The following MYO18B variants were observed in gnomAD, a reference collection of about 807,000 sequenced individuals.
MYO18B encodes the protein unconventional myosin-XVIIIb.
MYO18B carries 204 observed loss-of-function variants against 273.0 expected under a neutral mutation model. That is an observed-to-expected ratio of 0.75 (90% CI 0.67 to 0.84). The LOEUF is 0.84. Among genes scored for constraint, MYO18B ranks in the 40% least tolerant of loss-of-function variants. MYO18B has a pLI of 0.00. For missense variants in MYO18B, 3,212 were observed against 3,287.6 expected (o/e 0.98, Z 0.56); for synonymous variants, 1,330 against 1,305.7 (o/e 1.02, Z -0.40).
At chr22:26,008,839 G>C (rs1934654116) in intron 42 of MYO18B, among the ~76,000 whole-genome samples, 1 of 152,196 alleles carries the variant, frequency 6.6e-6, no homozygotes, top group South Asian at 2.1e-4. Context: ...CTGTGGATGA[G>C]AGTGCGAGGG....
At chr22:25,773,177 C>G (rs117463958) in intron 7 of MYO18B, among the ~76,000 whole-genome samples, 1 of 152,200 alleles carries the variant, frequency 6.6e-6, no homozygotes, top group Admixed American at 6.5e-5. Flanking sequence ...GCGTGGGCCC[C>G]TTCATTCCTT....
At chr22:25,861,017 T>C (rs2090717911) in intron 21 of MYO18B, among the ~76,000 whole-genome samples, 2 of 152,132 alleles carry the variant, frequency 1.3e-5, no homozygotes, top group Non-Finnish European at 2.9e-5. Flanking sequence ...GCCCCCTGCG[T>C]TGCTCAGACT....
chr22:25,797,651 T>G (rs914377425), intron 11 of MYO18B, among the ~76,000 whole-genome samples: 1 of 152,206 alleles, frequency 6.6e-6, no homozygotes, highest in Non-Finnish European at 1.5e-5. Flanking sequence ...TGGGCTTTGC[T>G]CATCTTTGCA....
intron 39 of MYO18B, among the ~76,000 whole-genome samples, chr22:25,972,041 C>T (rs1461949033): frequency 6.6e-6 from 1 of 151,814 alleles, no homozygotes; most frequent in African/African-American, 2.4e-5. Context: ...CTGCCTCTAT[C>T]TCCCAAAGTG....
Position 25,946,270 on chromosome 22 carries a change from G to T in MYO18B, c.5631+20G>T, listed in dbSNP as rs757878769. The stretch of plus-strand genomic sequence containing the variant: ...AGCCTGGTACCTGTCCCTTCCTGCA[G>T]CTGCAGGGACCTGGGCCAGCATAGG... On this transcript the variant is annotated intron_variant, in intron 35 of 43. Transcript: ENST00000335473. 2 of 1,534,380 alleles carry T rather than the reference G, an allele frequency of 1.3e-6. No homozygotes were observed. The highest frequency in any genetic ancestry group is 8.8e-7 in the Non-Finnish European group (1 of 1,132,480).
chr22:25,834,961 C>T (rs995710950), intron 16 of MYO18B, among the ~76,000 whole-genome samples: 4 of 152,156 alleles, frequency 2.6e-5, no homozygotes, highest in Non-Finnish European at 5.9e-5. Context: ...CCAGAGGGTT[C>T]CCCTTGTTAA....
At chr22:25,798,259 AG>A (rs907521872) in intron 12 of MYO18B, among the ~76,000 whole-genome samples, 162 bp downstream of exon 12, 1 of 152,104 alleles carries the variant, frequency 6.6e-6, no homozygotes, top group African/African-American at 2.4e-5. Context: ...CGTCGTGAGG[AG>A]GACACAGGGC....
At chr22:25,977,662 G>A (rs1015216661) in intron 39 of MYO18B, among the ~76,000 whole-genome samples, 1 of 152,164 alleles carries the variant, frequency 6.6e-6, no homozygotes, top group Non-Finnish European at 1.5e-5. Context: ...TGGGGTGAGG[G>A]TGAGAAAGCA....
Position 25,772,927 on chromosome 22 carries a change from C to T in MYO18B, c.1869+417C>T, listed in dbSNP as rs73879535. 2.7e-3 allele frequency among the ~76,000 whole-genome samples: 411 copies of T among 152,278 alleles called. 1 individual carries two copies. Among genetic ancestry groups the T allele is most frequent in the African/African-American group, 9.1e-3 (378 of 41,550 alleles). ...GCGCAGGCTAAACTCTCAGGTCTAG[C>T]GAGCAGAGTTGCTGGGAGAAAACCC... On this transcript the variant is annotated intron_variant, in intron 7 of 43. Transcript: ENST00000335473.
chr22:25,759,137 C>A (rs2086220566), intron 1 of MYO18B, among the ~76,000 whole-genome samples: 1 of 152,072 alleles, frequency 6.6e-6, no homozygotes. Context: ...TGAAACTTAG[C>A]TGAATGTTAT....
chr22:25,838,120 C>A (rs1455699279), intron 17 of MYO18B, among the ~76,000 whole-genome samples: 2 of 151,316 alleles, frequency 1.3e-5, no homozygotes, highest in Admixed American at 1.3e-4. Context: ...AAGGGCAATT[C>A]TTTAATATAT....
intron 12 of MYO18B, among the ~76,000 whole-genome samples, chr22:25,802,821 G>A (rs2088276522): frequency 6.7e-6 from 1 of 149,366 alleles, no homozygotes; most frequent in Non-Finnish European, 1.5e-5. Flanking sequence ...CCATCCCTAA[G>A]CAATGCTTTC....
At chr22:26,039,182 T>A in the MYO18B span, among the ~76,000 whole-genome samples, 1 of 152,106 alleles carries the variant, frequency 6.6e-6, no homozygotes, top group Non-Finnish European at 1.5e-5. Context: ...TGAGGATGGG[T>A]CTTTCTCTCC....
intron 18 of MYO18B, 123 bp downstream of exon 18, chr22:25,844,017 C>A (rs2090162788): frequency 3.6e-6 from 3 of 834,658 alleles, no homozygotes. Flanking sequence ...TCCCATCCCT[C>A]CATAATGGAG....
intron 34 of MYO18B, among the ~76,000 whole-genome samples, chr22:25,942,471 T>C (rs2092655939): frequency 6.6e-6 from 1 of 152,238 alleles, no homozygotes; most frequent in Non-Finnish European, 1.5e-5. Flanking sequence ...CTCTTTATTT[T>C]GATCCATTCC....
chr22:25,907,168 C>T (rs1021139638), intron 31 of MYO18B, among the ~76,000 whole-genome samples: 8 of 152,244 alleles, frequency 5.3e-5, no homozygotes, highest in African/African-American at 1.9e-4. Flanking sequence ...GTAATTCTAA[C>T]GTGCCACAAA....
chr22:25,939,306 CT>C (rs2092616630), intron 34 of MYO18B, among the ~76,000 whole-genome samples: 1 of 152,192 alleles, frequency 6.6e-6, no homozygotes, highest in Admixed American at 6.5e-5. Context: ...TTGGCTAGAT[CT>C]AGGTACCCCA....
intron 8 of MYO18B, 118 bp downstream of exon 8, chr22:25,777,899 G>A: frequency 1.0e-6 from 1 of 996,598 alleles, no homozygotes; most frequent in South Asian, 2.0e-5. Context: ...CCAGATATGT[G>A]CAGACCCCAT....
intron 34 of MYO18B, among the ~76,000 whole-genome samples, chr22:25,927,720 T>TG (rs572317900): frequency 0.042 from 6,459 of 152,274 alleles, 191 homozygotes; most frequent in Non-Finnish European, 0.068. Context: ...TTGTGGCTTG[T>TG]GGGGCATCAC....
Sources: allele counts gnomAD v4.1 joint callset (sites outside exome capture counted in the v4.1 genomes callset), GRCh38; gene constraint gnomAD v4.1.1; transcripts MANE v1.5; gene names NCBI Gene and HGNC (gene_info 2026-07-23, HGNC 2026-07-21).